The following CLCN5 variants were observed in gnomAD, a reference collection of about 807,000 sequenced individuals.
CLCN5 encodes the protein H(+)/Cl(-) exchange transporter 5.
A neutral mutation model predicts 54.0 loss-of-function variants in CLCN5; 17 were observed. The ratio of observed to expected loss-of-function variants is 0.31; its 90% confidence interval spans 0.22 to 0.47. CLCN5 has a LOEUF of 0.47. CLCN5 is among the 20% of genes least tolerant of loss of function. The probability of loss-of-function intolerance (pLI) is 1.00; values close to 1 mark genes in which losing one functional copy is unlikely to be tolerated. For missense variants in CLCN5, 448 were observed against 646.7 expected (o/e 0.69, Z 3.33); for synonymous variants, 222 against 233.0 (o/e 0.95, Z 0.43).
At chrX:50,080,810 A>G in intron 8 of CLCN5, 94 bp downstream of exon 8, 1 of 756,167 alleles carries the variant, frequency 1.3e-6, no homozygotes, top group African/African-American at 2.0e-5. Flanking sequence ...CCACAATTTG[A>G]TGAATGTTAA....
chrX:49,941,610 C>T (rs1191598860), intron 3 of CLCN5, among the ~76,000 whole-genome samples: 1 of 110,881 alleles, frequency 9.0e-6, no homozygotes, highest in Non-Finnish European at 1.9e-5. Flanking sequence ...TGATCACCAG[C>T]AAAGATAAGA....
At chrX:50,044,628 A>AT (rs1179191582) in intron 4 of CLCN5, among the ~76,000 whole-genome samples, 1 of 110,442 alleles carries the variant, frequency 9.1e-6, no homozygotes, top group East Asian at 2.8e-4. Flanking sequence ...GTCAGGAGCA[A>AT]TTTTTTGCGG....
intron 7 of CLCN5, among the ~76,000 whole-genome samples, chrX:50,076,841 T>C (rs1933423438): frequency 1.8e-5 from 2 of 112,356 alleles, no homozygotes; most frequent in Non-Finnish European, 3.8e-5. Context: ...GCCTACCATA[T>C]GTTTTTTGAT....
rs782275609 is a variant in CLCN5 at position 50,096,178 on chromosome X, T to C, written c.*3959T>C. ...CATCTTTTGGGTGGTGCATAGAACA[T>C]TGAGCTCTTAAAAACCCGGAGAAAA... On this transcript the variant is annotated 3_prime_UTR_variant, in exon 15 of 15. Coordinates refer to ENST00000376091, the MANE Select transcript of CLCN5 (RefSeq NM_001127898.4). 1 of 111,430 alleles carries C rather than the reference T, an allele frequency of 9.0e-6. No homozygotes were observed. The highest frequency in any genetic ancestry group is 1.9e-5 in the Non-Finnish European group (1 of 53,068). 9.2% of individuals were successfully genotyped at this position (111,430 alleles called of 1,213,427 possible). A position where few individuals can be genotyped will look rare whatever the true frequency, so the allele number is the denominator to read the frequency against.
At chrX:49,946,897 C>T (rs1557172211) in intron 3 of CLCN5, among the ~76,000 whole-genome samples, 2 of 110,089 alleles carry the variant, frequency 1.8e-5, no homozygotes, top group African/African-American at 6.6e-5. Context: ...GGCGTGATCT[C>T]GGCTCACCAC....
Position 49,931,044 on chromosome X carries a change from A to G in CLCN5, c.16+5730A>G, listed in dbSNP as rs552439130. On this transcript the variant is annotated intron_variant, in intron 3 of 14. Coordinates refer to ENST00000376091, the MANE Select transcript of CLCN5 (RefSeq NM_001127898.4). ...CCTGGTGATCTTTCCAAACTTCCCA[A>G]GCCTAGGCCTCACTCAGCCAATTAA... Among the ~76,000 whole-genome samples the G allele has an allele frequency of 2.1e-4, 23 of 111,306 alleles. No homozygotes were observed. In the South Asian group the frequency reaches 5.7e-3, roughly 28 times the overall value.
At chrX:49,949,995 A>G (rs1926958504) in intron 3 of CLCN5, among the ~76,000 whole-genome samples, 1 of 112,234 alleles carries the variant, frequency 8.9e-6, no homozygotes, top group African/African-American at 3.2e-5. Flanking sequence ...AAGCAACAAA[A>G]TAACCCAAAA....
intron 4 of CLCN5, among the ~76,000 whole-genome samples, chrX:50,048,594 G>A (rs1932473724): frequency 8.9e-6 from 1 of 111,747 alleles, no homozygotes; most frequent in Admixed American, 9.5e-5. Context: ...TCCAGCTTTG[G>A]CTACTGGGAA....
chrX:50,059,962 G>C (rs1203747335), intron 4 of CLCN5, among the ~76,000 whole-genome samples: 1 of 103,751 alleles, frequency 9.6e-6, no homozygotes, highest in Admixed American at 1.1e-4. Flanking sequence ...TAATCTTATA[G>C]ATAATGTAAA....
At chrX:49,977,078 A>T (rs1157252871) in intron 3 of CLCN5, among the ~76,000 whole-genome samples, 1 of 111,395 alleles carries the variant, frequency 9.0e-6, no homozygotes, top group Non-Finnish European at 1.9e-5. Flanking sequence ...GGTATCTCAG[A>T]GCCACCCTGT....
At chrX:49,999,818 C>T (rs1322847131) in intron 3 of CLCN5, among the ~76,000 whole-genome samples, 2 of 112,149 alleles carry the variant, frequency 1.8e-5, no homozygotes, top group Non-Finnish European at 3.8e-5. Flanking sequence ...ACAACGAATA[C>T]ATTTGCTTTC....
chrX:49,924,697 C>A (rs1925252979), intron 2 of CLCN5, among the ~76,000 whole-genome samples: 1 of 111,987 alleles, frequency 8.9e-6, no homozygotes, highest in South Asian at 3.7e-4. Flanking sequence ...AGGGTATCAT[C>A]ACTCTTCACT....
chrX:49,954,478 C>T (rs941735107), intron 3 of CLCN5, among the ~76,000 whole-genome samples: 12 of 111,643 alleles, frequency 1.1e-4, no homozygotes, highest in Non-Finnish European at 2.3e-4. Flanking sequence ...ACTCTAGGTA[C>T]TTGGAAGCTG....
intron 4 of CLCN5, among the ~76,000 whole-genome samples, chrX:50,044,692 A>G (rs1932335983): frequency 9.0e-6 from 1 of 111,543 alleles, no homozygotes; most frequent in Non-Finnish European, 1.9e-5. Flanking sequence ...GATGTTACAA[A>G]GTACATTCAC....
At chrX:50,002,011 C>T (rs1267985314) in intron 3 of CLCN5, among the ~76,000 whole-genome samples, 21 of 110,690 alleles carry the variant, frequency 1.9e-4, no homozygotes, top group Middle Eastern at 4.2e-3. Context: ...TCTTACCTCA[C>T]AAGCCTCTCT....
At chrX:50,084,407 G>C (rs1933818779) in intron 9 of CLCN5, among the ~76,000 whole-genome samples, 1 of 109,906 alleles carries the variant, frequency 9.1e-6, no homozygotes, top group South Asian at 3.9e-4. Context: ...TTGGAGACAG[G>C]GTCTCAGTCT....
chrX:49,976,357 A>G lies in CLCN5; in HGVS notation c.16+51043A>G, dbSNP rs1159474355. ...CACCAGAACTCTGAGAGGAGCCAGC[A>G]CAGAAATGGTTGAGGGATAATGTCA... On this transcript the variant is annotated intron_variant, in intron 3 of 14. Coordinates refer to ENST00000376091, the MANE Select transcript of CLCN5 (RefSeq NM_001127898.4). 3.6e-5 allele frequency among the ~76,000 whole-genome samples: 4 copies of G among 112,525 alleles called. No homozygotes were observed. In the East Asian group the frequency reaches 8.4e-4, roughly 24 times the overall value.
chrX:50,044,079 C>T (rs1380432729), intron 4 of CLCN5, among the ~76,000 whole-genome samples: 1 of 111,749 alleles, frequency 8.9e-6, no homozygotes, highest in African/African-American at 3.3e-5. Context: ...CACATAAATA[C>T]TTATGATAGT....
chrX:50,027,637 G>A lies in CLCN5; in HGVS notation c.17-14679G>A, dbSNP rs782251589. On this transcript the variant is annotated intron_variant, in intron 3 of 14. Transcript: ENST00000376091. ...GCGTGTTGTCCACTTTTTCCATTAG[G>A]GCCTTTAGCATATTAAACGTATTTT... Among the ~76,000 whole-genome samples, 9 of 110,948 alleles carry A rather than the reference G, an allele frequency of 8.1e-5. No individual in the cohort carries two copies. In the South Asian group the frequency reaches 3.4e-3, roughly 42 times the overall value.
Sources: allele counts gnomAD v4.1 joint callset (sites outside exome capture counted in the v4.1 genomes callset), GRCh38; gene constraint gnomAD v4.1.1; transcripts MANE v1.5; gene names NCBI Gene and HGNC (gene_info 2026-07-23, HGNC 2026-07-21).